Variants in GRIK2 observed in about 807,000 individuals in gnomAD.
The protein encoded by GRIK2 is glutamate receptor ionotropic, kainate 2.
Under a neutral mutation model 100.3 loss-of-function variants are expected in GRIK2, and 32 were observed. The observed-to-expected ratio is 0.32, with a 90% confidence interval of 0.24 to 0.43. GRIK2 has a LOEUF of 0.43. Among genes scored for constraint, GRIK2 ranks in the 20% least tolerant of loss-of-function variants. The pLI is 1.00. For synonymous variants in GRIK2, 417 were observed against 389.4 expected (o/e 1.07, Z -0.83); for missense variants, 843 against 1,114.9 (o/e 0.76, Z 3.47).
chr6:101,769,088 A>T (rs958286691), intron 7 of GRIK2, among the ~76,000 whole-genome samples: 30 of 152,244 alleles, frequency 2.0e-4, no homozygotes, highest in African/African-American at 6.5e-4. Flanking sequence ...ACTTTTGGTT[A>T]AGGGTATTCC....
intron 14 of GRIK2, 146 bp downstream of exon 14, chr6:101,928,778 A>G (rs1790073865): frequency 1.6e-6 from 1 of 609,840 alleles, no homozygotes; most frequent in East Asian, 2.7e-5. Context: ...GGAGAGGTGT[A>G]CAACTGAACG....
intron 11 of GRIK2, among the ~76,000 whole-genome samples, chr6:101,866,536 A>G (rs1245315618): frequency 1.3e-5 from 2 of 152,154 alleles, no homozygotes; most frequent in Non-Finnish European, 2.9e-5. Context: ...TTAGATATTA[A>G]AAAGATTTTT....
At chr6:101,520,376 T>A (rs1042562624) in intron 2 of GRIK2, among the ~76,000 whole-genome samples, 3 of 150,196 alleles carry the variant, frequency 2.0e-5, no homozygotes. Flanking sequence ...ATATATTACA[T>A]TATATATTAC....
intron 14 of GRIK2, among the ~76,000 whole-genome samples, chr6:101,994,620 T>C (rs1794554237): frequency 1.3e-5 from 2 of 151,816 alleles, no homozygotes; most frequent in Admixed American, 1.3e-4. Context: ...CTAAGATAGA[T>C]AAAGGGGTTT....
chr6:101,947,287 G>A (rs1263043065), intron 14 of GRIK2, among the ~76,000 whole-genome samples: 1 of 152,144 alleles, frequency 6.6e-6, no homozygotes, highest in East Asian at 1.9e-4. Context: ...GAATTATAGA[G>A]TATTGAGAAT....
chr6:101,866,494 T>G (rs1338319688), intron 11 of GRIK2, among the ~76,000 whole-genome samples: 1 of 152,174 alleles, frequency 6.6e-6, no homozygotes, highest in Non-Finnish European at 1.5e-5. Flanking sequence ...TTTCCAATTT[T>G]GTTAGCAACC....
intron 16 of GRIK2, among the ~76,000 whole-genome samples, chr6:102,057,494 G>A (rs945928433): frequency 4.0e-5 from 6 of 151,876 alleles, no homozygotes; most frequent in African/African-American, 1.2e-4. Flanking sequence ...ACATTCTATG[G>A]ATCTATATGA....
At chr6:101,827,961 A>C (rs1782444613) in intron 10 of GRIK2, among the ~76,000 whole-genome samples, 1 of 151,950 alleles carries the variant, frequency 6.6e-6, no homozygotes, top group African/African-American at 2.4e-5. Context: ...TTCCATCCAA[A>C]ACCCACAGAA....
chr6:101,810,443 A>T lies in GRIK2; in HGVS notation c.1204-7927A>T, dbSNP rs1412324265. 2.0e-5 allele frequency among the ~76,000 whole-genome samples: 3 copies of T among 152,056 alleles called. No homozygotes were observed. The South Asian group carries it at 6.2e-4, about 31-fold the overall frequency. ...ATTAGCACTATAGTTCTCGAATGGTAAAATCCGAGATCCTATGCACACTAG... is the reference window on the plus strand; with the variant it reads ...ATTAGCACTATAGTTCTCGAATGGTTAAATCCGAGATCCTATGCACACTAG... On this transcript the variant is annotated intron_variant, in intron 9 of 16. Transcript: ENST00000369134.
intron 12 of GRIK2, among the ~76,000 whole-genome samples, chr6:101,890,632 GC>G (rs1329229778): frequency 6.6e-6 from 1 of 151,248 alleles, no homozygotes. Flanking sequence ...TTTAATAGTG[GC>G]CTTTAAAATC....
At chr6:101,574,923 A>T (rs1175707286) in intron 2 of GRIK2, among the ~76,000 whole-genome samples, 1 of 151,840 alleles carries the variant, frequency 6.6e-6, no homozygotes, top group East Asian at 1.9e-4. Flanking sequence ...TGCTGTTCTT[A>T]TATGCTGGGG....
intron 15 of GRIK2, 25 bp downstream of exon 15, chr6:102,035,591 T>C (rs763363185): frequency 1.8e-4 from 233 of 1,286,774 alleles, no homozygotes; most frequent in Non-Finnish European, 2.4e-4. Context: ...AGCTCTTTGT[T>C]CTTTGTTCAT....
At chr6:101,872,152 T>C (rs568533632) in intron 11 of GRIK2, among the ~76,000 whole-genome samples, 1 of 152,058 alleles carries the variant, frequency 6.6e-6, no homozygotes, top group African/African-American at 2.4e-5. Context: ...CCCAGGAATA[T>C]AAAATTCGTG....
intron 14 of GRIK2, among the ~76,000 whole-genome samples, chr6:101,963,106 T>A (rs939243428): frequency 1.3e-5 from 2 of 151,608 alleles, no homozygotes; most frequent in African/African-American, 4.8e-5. Flanking sequence ...ATCTTTCTAA[T>A]GTCTCTTTTG....
chr6:101,586,379 A>G (rs28674781), intron 2 of GRIK2, among the ~76,000 whole-genome samples: 1 of 152,104 alleles, frequency 6.6e-6, no homozygotes, highest in Non-Finnish European at 1.5e-5. Flanking sequence ...CTCATGGTAC[A>G]GAGATCTCCA....
intron 12 of GRIK2, among the ~76,000 whole-genome samples, chr6:101,897,142 CTT>C (rs934101924): frequency 3.3e-5 from 5 of 151,570 alleles, no homozygotes; most frequent in African/African-American, 1.2e-4. Context: ...ACTAATGTGT[CTT>C]TTATACATTT....
intron 7 of GRIK2, among the ~76,000 whole-genome samples, chr6:101,686,591 C>A (rs1360677546): frequency 6.6e-6 from 1 of 152,076 alleles, no homozygotes; most frequent in Non-Finnish European, 1.5e-5. Flanking sequence ...CACCAGGGTA[C>A]TACAACATAG....
At chr6:101,659,912 T>C (rs12205632) in intron 4 of GRIK2, among the ~76,000 whole-genome samples, 7,899 of 152,226 alleles carry the variant, frequency 0.052, 297 homozygotes, top group Non-Finnish European at 0.079. Context: ...ATTTTTTCCT[T>C]CATTTCAACC....
At chr6:101,675,237 C>G (rs1008187103) in intron 4 of GRIK2, among the ~76,000 whole-genome samples, 12 of 151,802 alleles carry the variant, frequency 7.9e-5, no homozygotes, top group African/African-American at 2.9e-4. Flanking sequence ...GGTTAAGTAA[C>G]AGGTATGTAT....
Sources: gnomAD v4.1 joint callset for allele counts (sites outside exome capture counted in the v4.1 genomes callset) on GRCh38, gnomAD v4.1.1 for gene constraint, MANE v1.5 for transcripts, NCBI Gene and HGNC (gene_info 2026-07-23, HGNC 2026-07-21) for gene names.